The following PTPRD variants were observed in gnomAD, a reference collection of about 807,000 sequenced individuals.
PTPRD encodes protein tyrosine phosphatase receptor type D, also known as receptor-type tyrosine-protein phosphatase delta.
A neutral mutation model predicts 214.5 loss-of-function variants in PTPRD; 34 were observed. That is an observed-to-expected ratio of 0.16 (90% CI 0.12 to 0.21). The LOEUF (loss-of-function observed/expected upper bound fraction) is 0.21, where lower values mean the gene tolerates loss of function less well. Among genes scored for constraint, PTPRD ranks in the 10% least tolerant of loss-of-function variants. The pLI, the probability that PTPRD is intolerant of heterozygous loss-of-function variation, is 1.00. For missense variants in PTPRD, 2,545 were observed against 2,398.7 expected, an observed-to-expected ratio of 1.06 and a Z score of -1.27; for synonymous variants, 1,128 against 845.7, an observed-to-expected ratio of 1.33 and a Z score of -5.79.
chr9:8,704,063 A>G (rs982762022), intron 12 of PTPRD, among the ~76,000 whole-genome samples: 20 of 152,102 alleles, frequency 1.3e-4, no homozygotes, highest in Non-Finnish European at 2.4e-4. Flanking sequence ...ACCTGCCTAC[A>G]TATTTCTGGC....
In PTPRD at chr9:8,324,538, G is replaced by C. The variant is rs80104150; in HGVS notation, c.5535-4572C>G. 3.3e-5 allele frequency among the ~76,000 whole-genome samples: 5 copies of C among 152,102 alleles called. No individual in the cohort carries two copies. In the East Asian group the frequency reaches 9.6e-4, roughly 29 times the overall value. On this transcript the variant is annotated intron_variant, in intron 44 of 45. Transcript: ENST00000381196. ...GGGTTGCTTACAAGTCTTTGCTATT[G>C]TGAATAGTGCCACAATAAACATATG...
chr9:10,291,319 T>C (rs2095521483), intron 3 of PTPRD, among the ~76,000 whole-genome samples: 1 of 152,082 alleles, frequency 6.6e-6, no homozygotes, highest in African/African-American at 2.4e-5. Context: ...GATGGAATGA[T>C]GGTCTCAAAA....
At position 9,871,303 on chromosome 9, in the gene PTPRD, G is replaced by A. The variant is rs954369865; in HGVS notation, c.-368+67204C>T. Among the ~76,000 whole-genome samples the A allele has an allele frequency of 9.2e-5, 14 of 152,174 alleles. 1 individual carries two copies. Among genetic ancestry groups the A allele is most frequent in the African/African-American group, 3.1e-4 (13 of 41,442 alleles). On this transcript the variant is annotated intron_variant, in intron 5 of 45. Coordinates refer to ENST00000381196, the MANE Select transcript of PTPRD (RefSeq NM_002839.4). ...AATAACAGTAAGACCAAAAGGGTAG[G>A]TAATGACAATTGCACAAGAGAAATC...
intron 9 of PTPRD, among the ~76,000 whole-genome samples, chr9:9,255,521 A>G (rs2099977345): frequency 6.6e-6 from 1 of 152,076 alleles, no homozygotes; most frequent in East Asian, 1.9e-4. Context: ...ATGCAATTCT[A>G]ACAAAGAGAA....
intron 5 of PTPRD, among the ~76,000 whole-genome samples, chr9:9,876,235 ACAAT>A (rs1357004397): frequency 2.6e-5 from 4 of 152,148 alleles, no homozygotes; most frequent in African/African-American, 7.2e-5. Flanking sequence ...TTAGTTGTAC[ACAAT>A]CAGATTTTTC....
chr9:8,635,047 TAATATATATTTAATAATATATATTA>T (rs912109171), intron 13 of PTPRD, among the ~76,000 whole-genome samples: 19 of 148,042 alleles, frequency 1.3e-4, no homozygotes, highest in Non-Finnish European at 2.5e-4. Flanking sequence ...TATTGTTTAA[TAATATATATTTAATAATATATATTA>T]AATATATATT....
At chr9:10,208,132 T>C (rs1010358756) in intron 3 of PTPRD, among the ~76,000 whole-genome samples, 2 of 152,236 alleles carry the variant, frequency 1.3e-5, no homozygotes, top group African/African-American at 4.8e-5. Context: ...AGGACTTTGC[T>C]GTTAAAGTCT....
chr9:8,620,552 T>C (rs909473361), intron 14 of PTPRD, among the ~76,000 whole-genome samples: 31 of 151,890 alleles, frequency 2.0e-4, no homozygotes, highest in Admixed American at 4.6e-4. Context: ...TGAGAGGAGA[T>C]AGAAACCTTG....
chr9:10,119,809 G>A (rs2098760683), intron 3 of PTPRD, among the ~76,000 whole-genome samples: 1 of 151,972 alleles, frequency 6.6e-6, no homozygotes, highest in African/African-American at 2.4e-5. Flanking sequence ...TATCTACAAT[G>A]TACAGAGTTG....
intron 2 of PTPRD, among the ~76,000 whole-genome samples, chr9:10,457,772 G>C (rs569186011): frequency 1.3e-5 from 2 of 152,080 alleles, no homozygotes; most frequent in East Asian, 3.9e-4. Context: ...AAATGTTGTT[G>C]GGTGTGTTGT....
chr9:9,023,951 A>C (rs895005847), intron 10 of PTPRD, among the ~76,000 whole-genome samples: 1 of 152,010 alleles, frequency 6.6e-6, no homozygotes, highest in Non-Finnish European at 1.5e-5. Context: ...TTAAGTCATT[A>C]ATCATCATTT....
At chr9:9,600,155 G>C (rs757145024) in intron 7 of PTPRD, among the ~76,000 whole-genome samples, 5 of 151,986 alleles carry the variant, frequency 3.3e-5, no homozygotes, top group Admixed American at 6.6e-5. Flanking sequence ...ACACGATAGA[G>C]GTACAAGAAA....
chr9:9,097,783 A>T (rs1297737243), intron 10 of PTPRD, among the ~76,000 whole-genome samples: 2 of 151,264 alleles, frequency 1.3e-5, no homozygotes, highest in Admixed American at 1.3e-4. Context: ...TTGTGAGCAG[A>T]AGACCTGTCT....
intron 3 of PTPRD, among the ~76,000 whole-genome samples, chr9:10,323,466 GTTTA>G (rs1281936933): frequency 2.7e-5 from 4 of 150,724 alleles, no homozygotes; most frequent in African/African-American, 7.3e-5. Flanking sequence ...GGCTAATTTT[GTTTA>G]TTTATTTATG....
At chr9:9,335,202 G>A (rs1416873752) in intron 9 of PTPRD, among the ~76,000 whole-genome samples, 1 of 151,992 alleles carries the variant, frequency 6.6e-6, no homozygotes, top group Admixed American at 6.6e-5. Context: ...GCCTTAAAAA[G>A]TCATTGTCAT....
chr9:8,959,359 A>G (rs1447652860), intron 11 of PTPRD, among the ~76,000 whole-genome samples: 1 of 152,038 alleles, frequency 6.6e-6, no homozygotes, highest in Non-Finnish European at 1.5e-5. Context: ...AAGATTTGAT[A>G]TATGAGTTGA....
intron 2 of PTPRD, among the ~76,000 whole-genome samples, chr9:10,376,288 C>G (rs1329691331): frequency 6.6e-6 from 1 of 151,432 alleles, no homozygotes. Flanking sequence ...AACTTTGGAT[C>G]TGAACAGTGC....
intron 4 of PTPRD, among the ~76,000 whole-genome samples, chr9:9,962,499 A>G (rs995732695): frequency 2.6e-5 from 4 of 151,966 alleles, no homozygotes; most frequent in Middle Eastern, 3.2e-3. Context: ...TTAAAGCACA[A>G]TTCACCCAAA....
chr9:9,817,554 G>C (rs1172287152), intron 5 of PTPRD, among the ~76,000 whole-genome samples: 1 of 151,996 alleles, frequency 6.6e-6, no homozygotes, highest in Non-Finnish European at 1.5e-5. Context: ...GTTTACTTTT[G>C]TCCTGTATTT....
Sources: gnomAD v4.1 joint callset for allele counts (sites outside exome capture counted in the v4.1 genomes callset) on GRCh38, gnomAD v4.1.1 for gene constraint, MANE v1.5 for transcripts, NCBI Gene and HGNC (gene_info 2026-07-23, HGNC 2026-07-21) for gene names.